The following ARRB1 variants were observed in gnomAD, a reference collection of about 807,000 sequenced individuals.
ARRB1 encodes arrestin beta 1.
ARRB1 carries 21 observed loss-of-function variants against 56.8 expected under a neutral mutation model. That is an observed-to-expected ratio of 0.37 (90% CI 0.26 to 0.53). ARRB1 has a LOEUF of 0.53. ARRB1 is among the 20% of genes least tolerant of loss of function. The pLI is 0.88. For missense variants in ARRB1, 424 were observed against 553.7 expected (o/e 0.77, Z 2.35); for synonymous variants, 210 against 218.6 (o/e 0.96, Z 0.35).
At position 75,350,106 on chromosome 11, in the gene ARRB1, G is replaced by T. The variant is rs34749024; in HGVS notation, c.20+1482C>A. 5.0e-3 allele frequency among the ~76,000 whole-genome samples: 760 copies of T among 152,366 alleles called. 5 individuals carry two copies. The highest frequency in any genetic ancestry group is 0.017 in the African/African-American group (727 of 41,588). ...TTTCTAAACATTAAGAGCCTGAGTT[G>T]CCTCTGAGCCTGTTTCCTCCTCTAG... is the stretch of plus-strand genomic sequence containing the variant. On this transcript the variant is annotated intron_variant, in intron 1 of 15. Coordinates refer to ENST00000420843, the MANE Select transcript of ARRB1 (RefSeq NM_004041.5).
At chr11:75,287,289 C>T in intron 3 of ARRB1, 26 bp downstream of exon 3, 1 of 1,547,132 alleles carries the variant, frequency 6.5e-7, no homozygotes, top group Non-Finnish European at 8.7e-7. Flanking sequence ...TTCCCCCAGC[C>T]CTCCTCTCGC....
intron 12 of ARRB1, among the ~76,000 whole-genome samples, chr11:75,272,018 G>C (rs181649297): frequency 6.6e-6 from 1 of 152,312 alleles, no homozygotes; most frequent in Admixed American, 6.5e-5. Context: ...CCTGTCCCAA[G>C]GGAGGCCGGA....
At chr11:75,327,250 C>T (rs186832563) in intron 1 of ARRB1, among the ~76,000 whole-genome samples, 1,551 of 131,668 alleles carry the variant, frequency 0.012, 21 homozygotes, top group African/African-American at 0.044. Flanking sequence ...TGCAGTGAGC[C>T]GAGATGGCGC....
chr11:75,297,159 A>G (rs1186559789), intron 1 of ARRB1, among the ~76,000 whole-genome samples: 2 of 152,144 alleles, frequency 1.3e-5, no homozygotes, highest in African/African-American at 4.8e-5. Context: ...CCCCTAATTG[A>G]TTCAATGTAA....
At chr11:75,313,550 T>G (rs1204810635) in intron 1 of ARRB1, among the ~76,000 whole-genome samples, 1 of 152,126 alleles carries the variant, frequency 6.6e-6, no homozygotes, top group Non-Finnish European at 1.5e-5. Flanking sequence ...TTATTACAGC[T>G]GGGCCCTTCC....
At chr11:75,269,451 C>A (rs1356628067) in intron 13 of ARRB1, among the ~76,000 whole-genome samples, 1 of 152,184 alleles carries the variant, frequency 6.6e-6, no homozygotes, top group Non-Finnish European at 1.5e-5. Flanking sequence ...ACCCTAGCAC[C>A]CCTGCAATCT....
At chr11:75,296,510 G>A (rs1946754305) in intron 1 of ARRB1, among the ~76,000 whole-genome samples, 1 of 152,050 alleles carries the variant, frequency 6.6e-6, no homozygotes, top group African/African-American at 2.4e-5. Context: ...GACCAACTTT[G>A]ACACTAATAT....
rs1277679534 is a variant in ARRB1 at position 75,264,734 on chromosome 11, A to G, written c.*1429T>C. ...TTGGTGGCCAGAGCTAGGAAGGCCC[A>G]TTGTGATCATCTGGTCAAACTCCTT... On this transcript the variant is annotated 3_prime_UTR_variant, in exon 16 of 16. Transcript: ENST00000420843. 6.6e-6 allele frequency: 1 copy of G among 152,220 alleles called. No individual in the cohort carries two copies. The highest frequency in any genetic ancestry group is 1.5e-5 in the Non-Finnish European group (1 of 68,046). 9.4% of individuals were successfully genotyped at this position (152,220 alleles called of 1,614,324 possible). A position where few individuals can be genotyped will look rare whatever the true frequency, so the allele number is the denominator to read the frequency against.
At chr11:75,348,255 A>C (rs978397196) in intron 1 of ARRB1, among the ~76,000 whole-genome samples, 38 of 152,262 alleles carry the variant, frequency 2.5e-4, no homozygotes, top group African/African-American at 9.1e-4. Context: ...CAGAAATATC[A>C]TTCCCAATCC....
At chr11:75,321,934 C>G (rs1947354532) in intron 1 of ARRB1, among the ~76,000 whole-genome samples, 1 of 152,194 alleles carries the variant, frequency 6.6e-6, no homozygotes, top group East Asian at 1.9e-4. Context: ...CTACACAACT[C>G]CTTTGGTTAC....
intron 1 of ARRB1, among the ~76,000 whole-genome samples, chr11:75,298,736 G>A (rs1354444399): frequency 1.3e-5 from 2 of 151,634 alleles, no homozygotes; most frequent in Non-Finnish European, 2.9e-5. Flanking sequence ...ATGCATAAAT[G>A]TTTGTAGCAG....
chr11:75,325,610 A>G (rs1454319578), intron 1 of ARRB1, among the ~76,000 whole-genome samples: 3 of 152,248 alleles, frequency 2.0e-5, no homozygotes, highest in African/African-American at 7.2e-5. Context: ...GGCGTGAGCC[A>G]CCATGCCTGG....
At chr11:75,291,698 C>T (rs184077284) in intron 1 of ARRB1, among the ~76,000 whole-genome samples, 44 of 152,112 alleles carry the variant, frequency 2.9e-4, no homozygotes, top group Middle Eastern at 3.4e-3. Context: ...AGACAGAGAC[C>T]GCGAGATAAG....
intron 1 of ARRB1, among the ~76,000 whole-genome samples, chr11:75,327,981 A>G (rs1947468380): frequency 6.6e-6 from 1 of 152,224 alleles, no homozygotes; most frequent in Admixed American, 6.5e-5. Flanking sequence ...AAAGTGAACA[A>G]TTCAGTGGCA....
chr11:75,324,365 A>T (rs1458485350), intron 1 of ARRB1, among the ~76,000 whole-genome samples: 2 of 152,146 alleles, frequency 1.3e-5, no homozygotes, highest in Non-Finnish European at 2.9e-5. Flanking sequence ...TGAATGAATG[A>T]ATGAATGGTC....
In ARRB1 at chr11:75,266,138, C is replaced by T. The variant is rs761611251; in HGVS notation, c.*25G>A. ...CGAGTGCACGAGAGTGGAGCCGGAGCCACGTGGAGGCAGGGCCGGCCCGTC... is the reference window on the plus strand; with the variant it reads ...CGAGTGCACGAGAGTGGAGCCGGAGTCACGTGGAGGCAGGGCCGGCCCGTC... On this transcript the variant is annotated 3_prime_UTR_variant, in exon 16 of 16. Transcript: ENST00000420843. 8 of 1,577,926 alleles carry T rather than the reference C, an allele frequency of 5.1e-6. No individual in the cohort carries two copies. In the African/African-American group the frequency reaches 1.1e-4, roughly 21 times the overall value.
rs1946076469 is a variant in ARRB1, at chr11:75,271,673, G to A, written c.1022+28C>T. 3 of 1,557,396 alleles carry A rather than the reference G, an allele frequency of 1.9e-6. No individual in the cohort carries two copies. The South Asian group carries it at 3.6e-5, about 19-fold the overall frequency. The stretch of plus-strand genomic sequence containing the variant: ...GGCTCCAGGCCCTCCAGGAAGGTGG[G>A]TGAACCAGGTGGAAGGGAGGAATTT... On this transcript the variant is annotated intron_variant, in intron 13 of 15. Transcript: ENST00000420843.
At chr11:75,285,759 C>T (rs1196170607) in intron 3 of ARRB1, among the ~76,000 whole-genome samples, 1 of 152,162 alleles carries the variant, frequency 6.6e-6, no homozygotes, top group Non-Finnish European at 1.5e-5. Context: ...GAACAGCTCT[C>T]AGGGTGCCTG....
chr11:75,314,304 A>G (rs1156731566), intron 1 of ARRB1, among the ~76,000 whole-genome samples: 1 of 152,238 alleles, frequency 6.6e-6, no homozygotes, highest in Non-Finnish European at 1.5e-5. Flanking sequence ...CAAGTCAGCC[A>G]GTCATCTTCT....
Sources: gnomAD v4.1 joint callset for allele counts (sites outside exome capture counted in the v4.1 genomes callset) on GRCh38, gnomAD v4.1.1 for gene constraint, MANE v1.5 for transcripts, NCBI Gene and HGNC (gene_info 2026-07-23, HGNC 2026-07-21) for gene names.